Variants in DMD observed in about 807,000 individuals in gnomAD.
DMD encodes dystrophin, also known as mutant dystrophin.
DMD carries 63 observed loss-of-function variants against 330.1 expected under a neutral mutation model. That is an observed-to-expected ratio of 0.19 (90% confidence interval 0.16 to 0.24). The LOEUF is 0.24. Ranked by LOEUF, DMD falls within the 10% of genes least tolerant of loss-of-function variation. The pLI is 1.00. For synonymous variants in DMD, 1,223 were observed against 959.8 expected, an observed-to-expected ratio of 1.27 and a Z score of -5.07; for missense variants, 3,344 against 2,684.1, an observed-to-expected ratio of 1.25 and a Z score of -5.43.
intron 30 of DMD, among the ~76,000 whole-genome samples, chrX:32,400,374 G>A (rs1188749487): frequency 9.0e-6 from 1 of 111,060 alleles, no homozygotes; most frequent in Non-Finnish European, 1.9e-5. Flanking sequence ...ATTTTATTGA[G>A]GATTTTTTCA....
intron 34 of DMD, among the ~76,000 whole-genome samples, chrX:32,374,150 T>G (rs1291862322): frequency 9.0e-6 from 1 of 111,189 alleles, no homozygotes; most frequent in Non-Finnish European, 1.9e-5. Flanking sequence ...TTTAATCTGT[T>G]TTTTTTTAAT....
At chrX:32,194,459 C>G (rs1265545568) in intron 44 of DMD, among the ~76,000 whole-genome samples, 1 of 111,867 alleles carries the variant, frequency 8.9e-6, no homozygotes, top group Non-Finnish European at 1.9e-5. Flanking sequence ...GTGTCTATGA[C>G]TTTTGGCTCA....
At chrX:31,187,878 C>T (rs1278065829) in intron 67 of DMD, among the ~76,000 whole-genome samples, 2 of 110,534 alleles carry the variant, frequency 1.8e-5, no homozygotes, top group Non-Finnish European at 3.8e-5. Flanking sequence ...ACCAGCTGTT[C>T]GATCTCTCCA....
intron 22 of DMD, 38 bp from the exon 23 acceptor site, chrX:32,468,748 A>G: frequency 9.4e-7 from 1 of 1,060,408 alleles, no homozygotes; most frequent in Non-Finnish European, 1.3e-6. Context: ...ACCCTAATTG[A>G]TGAATAATAA....
intron 2 of DMD, among the ~76,000 whole-genome samples, chrX:32,880,400 T>C (rs2083817868): frequency 9.0e-6 from 1 of 111,392 alleles, no homozygotes; most frequent in Admixed American, 9.6e-5. Flanking sequence ...TGTTGTACTC[T>C]TGTTGGCATG....
intron 63 of DMD, among the ~76,000 whole-genome samples, chrX:31,227,921 G>A (rs1357493648): frequency 9.1e-6 from 1 of 109,732 alleles, no homozygotes; most frequent in Non-Finnish European, 1.9e-5. Context: ...GGAATACTAT[G>A]CAGCCATAAA....
intron 16 of DMD, among the ~76,000 whole-genome samples, chrX:32,564,663 A>G (rs2051470938): frequency 8.9e-6 from 1 of 112,160 alleles, no homozygotes; most frequent in Non-Finnish European, 1.9e-5. Context: ...TTTTTAACGT[A>G]AAATTGGATT....
chrX:32,503,578 CAG>C (rs1343281536), intron 18 of DMD, among the ~76,000 whole-genome samples: 10 of 111,323 alleles, frequency 9.0e-5, no homozygotes, highest in Non-Finnish European at 1.9e-4. Flanking sequence ...CTCTTTGAGA[CAG>C]AGTCTCACTC....
intron 1 of DMD, among the ~76,000 whole-genome samples, chrX:33,076,760 G>A (rs1250695392): frequency 1.8e-5 from 2 of 111,958 alleles, no homozygotes; most frequent in Non-Finnish European, 3.8e-5. Flanking sequence ...CCGCCCAAGA[G>A]GTTCAACTCG....
At chrX:31,380,144 TA>T (rs1489655424) in intron 60 of DMD, among the ~76,000 whole-genome samples, 1 of 110,925 alleles carries the variant, frequency 9.0e-6, no homozygotes, top group East Asian at 2.8e-4. Flanking sequence ...ATAACTGTTG[TA>T]GGTATTGACG....
intron 52 of DMD, among the ~76,000 whole-genome samples, chrX:31,686,234 A>T (rs780319405): frequency 1.1e-4 from 12 of 112,566 alleles, no homozygotes; most frequent in Admixed American, 2.8e-4. Context: ...ACCTTCAATA[A>T]ATGTCTGTCA....
chrX:32,164,206 A>T (rs1467761788), intron 44 of DMD, among the ~76,000 whole-genome samples: 1 of 111,560 alleles, frequency 9.0e-6, no homozygotes, highest in Non-Finnish European at 1.9e-5. Context: ...TACTGCTATA[A>T]AGATACTTGA....
At chrX:32,706,386 T>TA (rs111363528) in intron 7 of DMD, among the ~76,000 whole-genome samples, 78 of 105,050 alleles carry the variant, frequency 7.4e-4, no homozygotes, top group Middle Eastern at 4.9e-3. Context: ...AGTATAATAA[T>TA]AAAAAAAAAA....
chrX:32,021,500 C>G (rs1686394681), intron 44 of DMD, among the ~76,000 whole-genome samples: 1 of 111,876 alleles, frequency 8.9e-6, no homozygotes, highest in Admixed American at 9.5e-5. Context: ...TGGTGTTCTT[C>G]TTATTTGAAA....
At chrX:31,451,183 C>CTTCT (rs374273651) in intron 59 of DMD, among the ~76,000 whole-genome samples, 5,608 of 92,170 alleles carry the variant, frequency 0.061, 428 homozygotes, top group African/African-American at 0.17. Context: ...ATACAGGAGA[C>CTTCT]TTCTTTCTTT....
At chrX:32,082,432 CTA>C (rs2096400767) in intron 44 of DMD, among the ~76,000 whole-genome samples, 1 of 108,315 alleles carries the variant, frequency 9.2e-6, no homozygotes, top group East Asian at 2.9e-4. Context: ...ATCTATCTAT[CTA>C]TCTATTTTGT....
chrX:32,074,709 C>A (rs1191057647), intron 44 of DMD, among the ~76,000 whole-genome samples: 2 of 80,541 alleles, frequency 2.5e-5, no homozygotes, highest in African/African-American at 1.4e-4. Context: ...TACTAACTAG[C>A]CCTTCAAAGA....
At chrX:32,663,802 C>A (rs971062259) in intron 9 of DMD, among the ~76,000 whole-genome samples, 1 of 111,279 alleles carries the variant, frequency 9.0e-6, no homozygotes, top group African/African-American at 3.3e-5. Context: ...GGGAAAATAT[C>A]ATTGAGAAAA....
At chrX:32,044,255 T>C (rs1453528646) in intron 44 of DMD, among the ~76,000 whole-genome samples, 1 of 110,308 alleles carries the variant, frequency 9.1e-6, no homozygotes, top group Non-Finnish European at 1.9e-5. Context: ...AATCAGAAAA[T>C]TGTGGCTCAT....
Sources: allele counts gnomAD v4.1 joint callset (sites outside exome capture counted in the v4.1 genomes callset), GRCh38; gene constraint gnomAD v4.1.1; transcripts MANE v1.5; gene names NCBI Gene and HGNC (gene_info 2026-07-23, HGNC 2026-07-21).